Variants in GRIN2B observed in about 807,000 individuals in gnomAD.
GRIN2B encodes glutamate receptor ionotropic, NMDA 2B.
Under a neutral mutation model 114.5 loss-of-function variants are expected in GRIN2B, and 5 were observed. That is an observed-to-expected ratio of 0.04 (90% CI 0.02 to 0.09). The LOEUF (loss-of-function observed/expected upper bound fraction) is 0.09. Ranked by LOEUF, GRIN2B falls within the 10% of genes least tolerant of loss-of-function variation. The pLI, the probability that GRIN2B is intolerant of heterozygous loss-of-function variation, is 1.00. For missense variants in GRIN2B, 1,108 were observed against 1,943.5 expected, an observed-to-expected ratio of 0.57 and a Z score of 8.08; for synonymous variants, 787 against 745.1, an observed-to-expected ratio of 1.06 and a Z score of -0.92.
intron 2 of GRIN2B, among the ~76,000 whole-genome samples, chr12:13,898,776 C>A (rs1263686722): frequency 3.3e-5 from 5 of 152,108 alleles, no homozygotes; most frequent in African/African-American, 4.8e-5. Flanking sequence ...CTAGGCGTGG[C>A]AGCACATGCC....
chr12:13,913,041 C>T (rs1409625114), intron 2 of GRIN2B, among the ~76,000 whole-genome samples: 1 of 152,036 alleles, frequency 6.6e-6, no homozygotes, highest in Non-Finnish European at 1.5e-5. Flanking sequence ...CCAAGCATGC[C>T]CCCCAGCCTT....
At chr12:13,857,909 G>A (rs1204437510) in intron 3 of GRIN2B, among the ~76,000 whole-genome samples, 1 of 152,080 alleles carries the variant, frequency 6.6e-6, no homozygotes, top group Non-Finnish European at 1.5e-5. Flanking sequence ...GATGACTAAC[G>A]CTGGAGCAGC....
chr12:13,907,142 T>C (rs903215096), intron 2 of GRIN2B, among the ~76,000 whole-genome samples: 1 of 152,164 alleles, frequency 6.6e-6, no homozygotes, highest in East Asian at 1.9e-4. Flanking sequence ...AGTCTTTGCA[T>C]AAACTCATTA....
intron 5 of GRIN2B, among the ~76,000 whole-genome samples, chr12:13,627,997 G>GA (rs2136494183): frequency 6.6e-6 from 1 of 152,314 alleles, no homozygotes; most frequent in East Asian, 1.9e-4. Flanking sequence ...GTAAGTGGCA[G>GA]AAACAGGATT....
chr12:13,823,296 C>T (rs998257902), intron 3 of GRIN2B, among the ~76,000 whole-genome samples: 10 of 151,962 alleles, frequency 6.6e-5, no homozygotes, highest in Non-Finnish European at 1.5e-4. Context: ...TCTTTTGATC[C>T]ATAAGCACAG....
chr12:13,795,839 A>G (rs1053072205), intron 3 of GRIN2B, among the ~76,000 whole-genome samples: 3 of 152,152 alleles, frequency 2.0e-5, no homozygotes, highest in Non-Finnish European at 4.4e-5. Context: ...AGGACAGAAA[A>G]CCAAACATCA....
chr12:13,546,978 G>A lies in GRIN2B; in HGVS notation c.*15805C>T, dbSNP rs1227161901. 6.6e-6 allele frequency: 1 copy of A among 152,142 alleles called. No homozygotes were observed. The highest frequency in any genetic ancestry group is 2.4e-5 in the African/African-American group (1 of 41,432). 9.4% of individuals were successfully genotyped at this position (152,142 alleles called of 1,614,324 possible). Reference sequence around the variant, plus strand: ...CTATCCCAGCACTTGATCTTGAGTTGAAGCACTCAGGAACAAGACCTCATT... The same window carrying A: ...CTATCCCAGCACTTGATCTTGAGTTAAAGCACTCAGGAACAAGACCTCATT... On this transcript the variant is annotated 3_prime_UTR_variant, in exon 14 of 14. Transcript: ENST00000609686.
Position 13,652,983 on chromosome 12 carries a change from G to A in GRIN2B, c.1125+22762C>T, listed in dbSNP as rs549807432. 4.6e-5 allele frequency among the ~76,000 whole-genome samples: 7 copies of A among 152,258 alleles called. No individual in the cohort carries two copies. In the South Asian group the frequency reaches 1.5e-3, roughly 32 times the overall value. On this transcript the variant is annotated intron_variant, in intron 5 of 13. Transcript: ENST00000609686. ...ATTGCAGAGTTTTAGTCAGGGAACTGACATGAATAATTTTATGTTTTAGGA... is the reference window on the plus strand; with the variant it reads ...ATTGCAGAGTTTTAGTCAGGGAACTAACATGAATAATTTTATGTTTTAGGA...
At chr12:13,678,391 G>C (rs1046546422) in intron 4 of GRIN2B, among the ~76,000 whole-genome samples, 14 of 152,044 alleles carry the variant, frequency 9.2e-5, no homozygotes, top group African/African-American at 3.4e-4. Flanking sequence ...GAGTCAACAA[G>C]GGTCCAGTAT....
chr12:13,769,472 T>C (rs377255132), intron 3 of GRIN2B, among the ~76,000 whole-genome samples: 112 of 152,186 alleles, frequency 7.4e-4, no homozygotes, highest in African/African-American at 2.7e-3. Flanking sequence ...TCTCTGGAGC[T>C]GTAAGGGTAT....
intron 5 of GRIN2B, among the ~76,000 whole-genome samples, chr12:13,652,951 G>A (rs1949829560): frequency 6.6e-6 from 1 of 152,112 alleles, no homozygotes; most frequent in Non-Finnish European, 1.5e-5. Flanking sequence ...GATGTCACTG[G>A]AGCACTATTG....
chr12:13,888,155 C>T (rs1253115166), intron 2 of GRIN2B, among the ~76,000 whole-genome samples: 1 of 152,082 alleles, frequency 6.6e-6, no homozygotes, highest in Non-Finnish European at 1.5e-5. Context: ...AATCAATATA[C>T]GGCCATGTAT....
intron 3 of GRIN2B, among the ~76,000 whole-genome samples, chr12:13,781,430 A>G (rs1009129498): frequency 2.6e-5 from 4 of 152,238 alleles, no homozygotes; most frequent in Non-Finnish European, 5.9e-5. Context: ...AAAAGATAGC[A>G]TACCAAACAA....
chr12:13,690,373 T>TCTCTCA (rs1438385604), intron 4 of GRIN2B, among the ~76,000 whole-genome samples: 174 of 143,340 alleles, frequency 1.2e-3, no homozygotes, highest in African/African-American at 4.4e-3. Flanking sequence ...TCTCTCTCTC[T>TCTCTCA]CACACACACA....
At chr12:13,600,615 T>C (rs1023561109) in intron 10 of GRIN2B, among the ~76,000 whole-genome samples, 5 of 152,114 alleles carry the variant, frequency 3.3e-5, no homozygotes, top group Non-Finnish European at 7.4e-5. Flanking sequence ...GATGATCAAA[T>C]AAAGTATCTT....
chr12:13,610,830 A>C (rs1450873636), intron 9 of GRIN2B, among the ~76,000 whole-genome samples: 1 of 152,208 alleles, frequency 6.6e-6, no homozygotes, highest in Non-Finnish European at 1.5e-5. Context: ...AGACTTAGTG[A>C]ATCAGAAAAT....
intron 2 of GRIN2B, among the ~76,000 whole-genome samples, chr12:13,922,496 G>A (rs219872): frequency 0.76 from 115,530 of 152,116 alleles, 44,694 homozygotes; most frequent in Non-Finnish European, 0.85. Context: ...ATACAGCAGC[G>A]CATGAAATTT....
intron 4 of GRIN2B, among the ~76,000 whole-genome samples, chr12:13,731,037 C>T (rs993001103): frequency 1.2e-4 from 19 of 152,314 alleles, no homozygotes; most frequent in African/African-American, 3.8e-4. Flanking sequence ...GGAACTATAG[C>T]TGATGTTCAA....
rs1422235461 is a variant in GRIN2B at position 13,810,050 on chromosome 12, A to G, written c.411+55748T>C. On this transcript the variant is annotated intron_variant, in intron 3 of 13. Transcript: ENST00000609686. Reference sequence around the variant, plus strand: ...CTGTTCTGAACCCAGAGAGCTCCCCATTCTTTCCTACCCTCCGGGTTTTTG... The same window carrying G: ...CTGTTCTGAACCCAGAGAGCTCCCCGTTCTTTCCTACCCTCCGGGTTTTTG... 2.0e-5 allele frequency among the ~76,000 whole-genome samples: 3 copies of G among 151,972 alleles called. 1 individual carries two copies. Among genetic ancestry groups the G allele is most frequent in the Admixed American group, 1.3e-4 (2 of 15,252 alleles).
Sources: allele counts gnomAD v4.1 joint callset (sites outside exome capture counted in the v4.1 genomes callset), GRCh38; gene constraint gnomAD v4.1.1; transcripts MANE v1.5; gene names NCBI Gene and HGNC (gene_info 2026-07-23, HGNC 2026-07-21).